Variants in ETV6 observed in about 807,000 individuals in gnomAD.
The protein encoded by ETV6 is transcription factor ETV6.
A neutral mutation model predicts 51.1 loss-of-function variants in ETV6; 16 were observed. The ratio of observed to expected loss-of-function variants is 0.31; its 90% CI spans 0.21 to 0.48. The LOEUF (loss-of-function observed/expected upper bound fraction) is 0.48, where lower values mean the gene tolerates loss of function less well. ETV6 is among the 20% of genes least tolerant of loss of function. The pLI, the probability that ETV6 is intolerant of heterozygous loss-of-function variation, is 0.99. For synonymous variants in ETV6, 240 were observed against 224.1 expected, an observed-to-expected ratio of 1.07 and a Z score of -0.64; for missense variants, 458 against 594.8, an observed-to-expected ratio of 0.77 and a Z score of 2.39.
At chr12:11,721,918 G>GA (rs1016737207) in intron 1 of ETV6, among the ~76,000 whole-genome samples, 4 of 152,298 alleles carry the variant, frequency 2.6e-5, no homozygotes, top group African/African-American at 9.6e-5. Flanking sequence ...AATGCTGTGG[G>GA]ATCTCTTTTT....
intron 1 of ETV6, among the ~76,000 whole-genome samples, chr12:11,744,295 A>C (rs1865868322): frequency 6.6e-6 from 1 of 152,240 alleles, no homozygotes; most frequent in South Asian, 2.1e-4. Context: ...TAAAGGGAAT[A>C]GCATTAATGG....
At chr12:11,860,992 T>A (rs1946707874) in intron 4 of ETV6, among the ~76,000 whole-genome samples, 1 of 152,204 alleles carries the variant, frequency 6.6e-6, no homozygotes, top group Non-Finnish European at 1.5e-5. Context: ...AAAGTGCCAG[T>A]CTTCATTACT....
chr12:11,705,255 TC>T (rs759462642), intron 1 of ETV6, among the ~76,000 whole-genome samples: 4 of 152,202 alleles, frequency 2.6e-5, no homozygotes, highest in Non-Finnish European at 5.9e-5. Flanking sequence ...ACATGCTAGC[TC>T]CGGGAAACAA....
At chr12:11,820,112 C>T (rs939019133) in intron 2 of ETV6, among the ~76,000 whole-genome samples, 2 of 152,226 alleles carry the variant, frequency 1.3e-5, no homozygotes, top group Non-Finnish European at 2.9e-5. Context: ...GGTCCTGTTA[C>T]TATCCGAGTT....
chr12:11,849,896 G>T (rs548033642), intron 3 of ETV6, among the ~76,000 whole-genome samples: 1 of 152,152 alleles, frequency 6.6e-6, no homozygotes, highest in African/African-American at 2.4e-5. Flanking sequence ...CACAGTGCAC[G>T]CACAGCAAGT....
intron 1 of ETV6, among the ~76,000 whole-genome samples, chr12:11,690,592 A>G (rs376931039): frequency 1.3e-5 from 2 of 151,996 alleles, no homozygotes; most frequent in Non-Finnish European, 1.5e-5. Flanking sequence ...CTCTGTCTCT[A>G]AAAAAGATAG....
chr12:11,760,112 A>G (rs1440847325), intron 2 of ETV6, among the ~76,000 whole-genome samples: 3 of 152,198 alleles, frequency 2.0e-5, no homozygotes, highest in Non-Finnish European at 4.4e-5. Context: ...AAGGAGGGGT[A>G]GAGCAGGACT....
intron 1 of ETV6, among the ~76,000 whole-genome samples, chr12:11,701,441 G>C (rs961003297): frequency 2.6e-5 from 4 of 152,170 alleles, no homozygotes; most frequent in African/African-American, 9.7e-5. Flanking sequence ...CCATGTTGTA[G>C]CATGTGTCAG....
intron 1 of ETV6, among the ~76,000 whole-genome samples, chr12:11,696,314 T>C (rs918203079): frequency 1.3e-5 from 2 of 152,218 alleles, no homozygotes; most frequent in Admixed American, 6.5e-5. Context: ...TCCCAGCACA[T>C]AGAGCTGTGC....
chr12:11,692,718 C>T (rs1864790957), intron 1 of ETV6, among the ~76,000 whole-genome samples: 1 of 152,134 alleles, frequency 6.6e-6, no homozygotes. Context: ...GGAGAACTTG[C>T]TATCTAGCTG....
chr12:11,861,497 T>G (rs1234323866), intron 4 of ETV6, among the ~76,000 whole-genome samples: 2 of 151,896 alleles, frequency 1.3e-5, no homozygotes, highest in South Asian at 4.2e-4. Context: ...CTCGGCCTAT[T>G]ACAGGAGGGA....
intron 2 of ETV6, among the ~76,000 whole-genome samples, chr12:11,761,262 G>C (rs1371417889): frequency 6.6e-6 from 1 of 152,074 alleles, no homozygotes; most frequent in Non-Finnish European, 1.5e-5. Flanking sequence ...ACTGACAAGA[G>C]GGCCCAGATG....
At chr12:11,867,778 G>A (rs900903844) in intron 4 of ETV6, among the ~76,000 whole-genome samples, 12 of 152,154 alleles carry the variant, frequency 7.9e-5, no homozygotes, top group African/African-American at 2.9e-4. Flanking sequence ...CCAGAACAAG[G>A]ACAGCAAGCA....
intron 1 of ETV6, among the ~76,000 whole-genome samples, chr12:11,657,936 C>T (rs970901613): frequency 1.3e-5 from 2 of 152,224 alleles, no homozygotes; most frequent in Non-Finnish European, 2.9e-5. Flanking sequence ...GTGAATTCTC[C>T]TAGGGGAAGA....
At chr12:11,695,605 A>G (rs1203253154) in intron 1 of ETV6, among the ~76,000 whole-genome samples, 5 of 152,174 alleles carry the variant, frequency 3.3e-5, no homozygotes, top group African/African-American at 7.2e-5. Flanking sequence ...CTTTTTCTCA[A>G]CCGGGTTTCA....
chr12:11,769,085 G>A (rs1244311460), intron 2 of ETV6: 15 of 405,590 alleles, frequency 3.7e-5, no homozygotes, highest in South Asian at 2.0e-4. Context: ...TATTTATTGA[G>A]CACCTACTGT....
chr12:11,659,255 T>A (rs1447901881), intron 1 of ETV6, among the ~76,000 whole-genome samples: 1 of 152,220 alleles, frequency 6.6e-6, no homozygotes, highest in Non-Finnish European at 1.5e-5. Context: ...GTATTCTTCT[T>A]GCTGTGGACC....
intron 4 of ETV6, among the ~76,000 whole-genome samples, chr12:11,857,888 C>G (rs1171487919): frequency 6.6e-6 from 1 of 152,208 alleles, no homozygotes; most frequent in East Asian, 1.9e-4. Flanking sequence ...CCCCACATTA[C>G]GTCCAAGGAA....
chr12:11,655,423 C>T (rs1265076209), intron 1 of ETV6, among the ~76,000 whole-genome samples: 1 of 152,106 alleles, frequency 6.6e-6, no homozygotes, highest in Admixed American at 6.5e-5. Context: ...CACTGCCAAA[C>T]CTAGTATTTG....
Sources: allele counts gnomAD v4.1 joint callset (sites outside exome capture counted in the v4.1 genomes callset), GRCh38; gene constraint gnomAD v4.1.1; transcripts MANE v1.5; gene names NCBI Gene and HGNC (gene_info 2026-07-23, HGNC 2026-07-21).